The following ANO4 variants were observed in gnomAD, a reference collection of about 807,000 sequenced individuals.
ANO4 encodes anoctamin 4, also known as anoctamin-4.
In ANO4, 69 loss-of-function variants were observed where a neutral mutation model predicts 141.9. The observed-to-expected ratio is 0.49, with a 90% CI of 0.40 to 0.59. ANO4 has a LOEUF of 0.59. Ranked by LOEUF, ANO4 falls within the 20% of genes least tolerant of loss-of-function variation. ANO4 has a pLI of 0.00. For synonymous variants in ANO4, 350 were observed against 394.3 expected (o/e 0.89, Z 1.33); for missense variants, 894 against 1,162.2 (o/e 0.77, Z 3.36).
At chr12:100,984,741 G>A (rs1232283697) in intron 7 of ANO4, among the ~76,000 whole-genome samples, 2 of 152,292 alleles carry the variant, frequency 1.3e-5, no homozygotes, top group East Asian at 1.9e-4. Flanking sequence ...ATGCCAAGCA[G>A]CATCCTCTTG....
At chr12:100,963,424 G>A (rs2043508934) in intron 5 of ANO4, among the ~76,000 whole-genome samples, 1 of 152,028 alleles carries the variant, frequency 6.6e-6, no homozygotes, top group African/African-American at 2.4e-5. Context: ...AATGAATATT[G>A]TAATCATTTA....
intron 3 of ANO4, among the ~76,000 whole-genome samples, chr12:100,753,193 A>T (rs1462899579): frequency 2.0e-5 from 3 of 152,214 alleles, no homozygotes; most frequent in Non-Finnish European, 4.4e-5. Context: ...AAGCCATGCC[A>T]CATGGATGAG....
intron 1 of ANO4, among the ~76,000 whole-genome samples, chr12:100,827,116 T>C (rs777806944): frequency 1.3e-5 from 2 of 152,092 alleles, no homozygotes; most frequent in Non-Finnish European, 2.9e-5. Flanking sequence ...AATCCTCTGA[T>C]GGCTTTCTGC....
chr12:100,778,162 G>A (rs902051779), intron 3 of ANO4, among the ~76,000 whole-genome samples: 5 of 152,096 alleles, frequency 3.3e-5, no homozygotes, highest in African/African-American at 9.6e-5. Flanking sequence ...CTCGTGATCC[G>A]CCTGCCTCGG....
intron 1 of ANO4, among the ~76,000 whole-genome samples, chr12:100,822,102 A>T (rs1162077673): frequency 1.3e-5 from 2 of 152,018 alleles, no homozygotes; most frequent in African/African-American, 4.8e-5. Context: ...ACAGAACAGA[A>T]CAAATTAAAA....
chr12:100,828,495 T>C (rs1425319067), intron 1 of ANO4, among the ~76,000 whole-genome samples: 1 of 152,040 alleles, frequency 6.6e-6, no homozygotes, highest in Non-Finnish European at 1.5e-5. Context: ...TTAAGAAAAA[T>C]GATTTTCAAA....
intron 22 of ANO4, among the ~76,000 whole-genome samples, chr12:101,100,196 ATTCTTTT>A (rs2050139106): frequency 6.6e-6 from 1 of 152,128 alleles, no homozygotes; most frequent in South Asian, 2.1e-4. Context: ...TTATTCTCTT[ATTCTTTT>A]TGTCTTCTGG....
In ANO4 at chr12:100,893,917, A is replaced by C. The variant is rs968878080; in HGVS notation, c.-140-7729A>C. On this transcript the variant is annotated intron_variant, in intron 1 of 27. Coordinates refer to ENST00000392977, the MANE Select transcript of ANO4 (RefSeq NM_001286615.2). ...AAGGAGGATTTGAAGGAGAGAAAGC[A>C]CCAATAATCTAACTGCAGCACTTTA... Among the ~76,000 whole-genome samples, 3 of 152,160 alleles carry C rather than the reference A, an allele frequency of 2.0e-5. No homozygotes were observed. The East Asian group carries it at 5.8e-4, about 29-fold the overall frequency.
rs59483191 is a variant in ANO4, at chr12:101,011,318, C to CTT, written c.735-8700_735-8699dup. 6.9e-3 allele frequency among the ~76,000 whole-genome samples: 768 copies of CTT among 110,642 alleles called. 35 individuals carry two copies. Among genetic ancestry groups the CTT allele is most frequent in the African/African-American group, 0.018 (554 of 30,078 alleles). The allele number at this position is 110,642 out of a possible 152,430, so 72.6% of individuals were successfully genotyped here. ...CATAGGAGGAATCATGGCCTTTTTT[C>CTT]TTTTTTTTTTTTTTTTTGCAATCTA... is the stretch of plus-strand genomic sequence containing the variant. On this transcript the variant is annotated intron_variant, in intron 8 of 27. Transcript: ENST00000392977.
chr12:101,004,975 A>G (rs2045810875), intron 8 of ANO4, among the ~76,000 whole-genome samples: 2 of 152,200 alleles, frequency 1.3e-5, no homozygotes, highest in African/African-American at 2.4e-5. Flanking sequence ...CAGAGTTTCT[A>G]GGACTTTGCT....
rs576336480 is a variant in ANO4, at chr12:101,081,521, T to C, written c.1396-2157T>C. Among the ~76,000 whole-genome samples the C allele has an allele frequency of 5.3e-5, 8 of 152,300 alleles. 1 individual carries two copies. The South Asian group carries it at 1.7e-3, about 32-fold the overall frequency. ...GTACAGGAGCCTACATACGTAGCCATTCCCAGCTTGGGATTCCTTGTGGAA... is the reference window on the plus strand; with the variant it reads ...GTACAGGAGCCTACATACGTAGCCACTCCCAGCTTGGGATTCCTTGTGGAA... On this transcript the variant is annotated intron_variant, in intron 15 of 27. Coordinates refer to ENST00000392977, the MANE Select transcript of ANO4 (RefSeq NM_001286615.2).
At chr12:100,880,378 A>G (rs2039508487) in intron 1 of ANO4, among the ~76,000 whole-genome samples, 1 of 152,142 alleles carries the variant, frequency 6.6e-6, no homozygotes, top group Non-Finnish European at 1.5e-5. Context: ...AATAACTTAT[A>G]AGGTAGATAT....
chr12:100,798,795 GC>G (rs1227212019), intron 1 of ANO4, among the ~76,000 whole-genome samples: 1 of 152,206 alleles, frequency 6.6e-6, no homozygotes, highest in Non-Finnish European at 1.5e-5. Context: ...AGTCTGAAGA[GC>G]GAAGAAATGT....
At chr12:101,058,171 T>C (rs1359564449) in intron 14 of ANO4, among the ~76,000 whole-genome samples, 1 of 152,218 alleles carries the variant, frequency 6.6e-6, no homozygotes, top group Non-Finnish European at 1.5e-5. Context: ...TAGATGGTTG[T>C]AGAAATGTGG....
intron 14 of ANO4, among the ~76,000 whole-genome samples, chr12:101,051,633 A>T (rs1395368920): frequency 6.6e-6 from 1 of 152,234 alleles, no homozygotes; most frequent in African/African-American, 2.4e-5. Flanking sequence ...AGTCCTAAGC[A>T]TTGCCCATGT....
At chr12:101,091,739 G>C (rs1292943711) in intron 17 of ANO4, among the ~76,000 whole-genome samples, 2 of 148,644 alleles carry the variant, frequency 1.3e-5, no homozygotes, top group African/African-American at 2.4e-5. Context: ...AACCTTGAGA[G>C]CTAGATTAAA....
At chr12:101,116,570 G>GTTC (rs2050861303) in intron 24 of ANO4, 109 bp from the exon 25 acceptor site, 1 of 1,508,432 alleles carries the variant, frequency 6.6e-7, no homozygotes, top group African/African-American at 1.4e-5. Context: ...GGAAGGGCCA[G>GTTC]TTAAAGGCAT....
chr12:100,936,965 C>G (rs998285682), intron 3 of ANO4, among the ~76,000 whole-genome samples: 3 of 152,160 alleles, frequency 2.0e-5, no homozygotes, highest in African/African-American at 7.2e-5. Flanking sequence ...CTTGGTTAAA[C>G]GATACTTTTA....
chr12:100,744,663 C>T (rs1368458315), intron 3 of ANO4, among the ~76,000 whole-genome samples: 2 of 152,160 alleles, frequency 1.3e-5, no homozygotes, highest in African/African-American at 4.8e-5. Context: ...GGGTTAACCC[C>T]CTCATGCTTA....
Sources: allele counts gnomAD v4.1 joint callset (sites outside exome capture counted in the v4.1 genomes callset), GRCh38; gene constraint gnomAD v4.1.1; transcripts MANE v1.5; gene names NCBI Gene and HGNC (gene_info 2026-07-23, HGNC 2026-07-21).